The following SGCZ variants were observed in gnomAD, a reference collection of about 807,000 sequenced individuals.
SGCZ encodes the protein sarcoglycan zeta, also known as zeta-sarcoglycan.
A neutral mutation model predicts 41.3 loss-of-function variants in SGCZ; 40 were observed. The observed-to-expected ratio is 0.97, with a 90% CI of 0.75 to 1.26. The LOEUF (loss-of-function observed/expected upper bound fraction) is 1.26, where lower values mean the gene tolerates loss of function less well. Ranked by LOEUF, SGCZ falls within the 50% of genes most tolerant of loss-of-function variation. The pLI, the probability that SGCZ is intolerant of heterozygous loss-of-function variation, is 0.00. For synonymous variants in SGCZ, 206 were observed against 137.5 expected (o/e 1.50, Z -3.49); for missense variants, 552 against 369.8 (o/e 1.49, Z -4.04).
chr8:14,153,884 A>G (rs1310844228), intron 5 of SGCZ, among the ~76,000 whole-genome samples: 1 of 150,716 alleles, frequency 6.6e-6, no homozygotes, highest in Non-Finnish European at 1.5e-5. Flanking sequence ...AAGAGACACC[A>G]GGTCGGTCAG....
At position 14,793,442 on chromosome 8, in the gene SGCZ, C is replaced by T. The variant is rs569933187; in HGVS notation, c.40-238516G>A. Among the ~76,000 whole-genome samples the T allele has an allele frequency of 3.3e-5, 5 of 152,122 alleles. No individual in the cohort carries two copies. The East Asian group carries it at 9.7e-4, about 29-fold the overall frequency. ...TTTCAGAAAAACGCAAAAGCTATGG[C>T]AAATAAACAATAAAAAATTATCCAG... On this transcript the variant is annotated intron_variant, in intron 1 of 7. Coordinates refer to ENST00000382080, the MANE Select transcript of SGCZ (RefSeq NM_139167.4).
chr8:14,914,186 A>G (rs1212568302), intron 1 of SGCZ, among the ~76,000 whole-genome samples: 2 of 151,816 alleles, frequency 1.3e-5, no homozygotes, highest in East Asian at 1.9e-4. Flanking sequence ...TATATAAAAT[A>G]TAGTTATACA....
Position 14,801,281 on chromosome 8 carries a change from A to C in SGCZ, c.40-246355T>G, listed in dbSNP as rs182395560. On this transcript the variant is annotated intron_variant, in intron 1 of 7. Coordinates refer to ENST00000382080, the MANE Select transcript of SGCZ (RefSeq NM_139167.4). The stretch of plus-strand genomic sequence containing the variant: ...TCATTACATCAGCAAATATATGCAT[A>C]TGCTACTGGCATTTCATTGATATTT... Among the ~76,000 whole-genome samples, 237 of 152,326 alleles carry C rather than the reference A, an allele frequency of 1.6e-3. 1 individual carries two copies. Among genetic ancestry groups the C allele is most frequent in the Non-Finnish European group, 1.3e-4 (9 of 68,028 alleles).
chr8:14,847,126 A>AAGGAAGAAGAAG, intron 1 of SGCZ, among the ~76,000 whole-genome samples: 1 of 126,448 alleles, frequency 7.9e-6, no homozygotes, highest in East Asian at 2.5e-4. Context: ...GAAGAAGAAG[A>AAGGAAGAAGAAG]AAGAAGAAGA....
intron 1 of SGCZ, among the ~76,000 whole-genome samples, chr8:15,183,554 G>C (rs1208045614): frequency 6.6e-6 from 1 of 152,154 alleles, no homozygotes; most frequent in Non-Finnish European, 1.5e-5. Flanking sequence ...ATCATTTTGT[G>C]TGTTACTGAT....
At chr8:14,998,822 A>T (rs1180457312) in intron 1 of SGCZ, among the ~76,000 whole-genome samples, 1 of 152,226 alleles carries the variant, frequency 6.6e-6, no homozygotes, top group Non-Finnish European at 1.5e-5. Context: ...ATTCTTGAAA[A>T]GTACGCCAAA....
intron 4 of SGCZ, among the ~76,000 whole-genome samples, chr8:14,221,545 A>G (rs1232557874): frequency 6.6e-6 from 1 of 152,240 alleles, no homozygotes; most frequent in African/African-American, 2.4e-5. Flanking sequence ...CAGTTTCGAC[A>G]TAACAGGCAT....
intron 3 of SGCZ, among the ~76,000 whole-genome samples, chr8:14,298,501 T>C (rs947950243): frequency 2.6e-5 from 4 of 151,990 alleles, no homozygotes; most frequent in Non-Finnish European, 4.4e-5. Context: ...CTATAAAATA[T>C]ACCATCAGTA....
intron 4 of SGCZ, among the ~76,000 whole-genome samples, chr8:14,208,065 A>T (rs1805676287): frequency 6.6e-6 from 1 of 152,160 alleles, no homozygotes; most frequent in Non-Finnish European, 1.5e-5. Flanking sequence ...ATCAACTTTC[A>T]TTTACTACAA....
At chr8:14,136,456 G>C (rs562662595) in intron 5 of SGCZ, among the ~76,000 whole-genome samples, 2 of 152,058 alleles carry the variant, frequency 1.3e-5, no homozygotes, top group Non-Finnish European at 2.9e-5. Context: ...CTAATACTGC[G>C]CTTTTCCAAT....
intron 1 of SGCZ, among the ~76,000 whole-genome samples, chr8:15,143,432 G>C (rs958753658): frequency 1.3e-5 from 2 of 152,174 alleles, no homozygotes; most frequent in African/African-American, 4.8e-5. Flanking sequence ...GAAAAAAAAT[G>C]AAATGTATTT....
chr8:14,962,092 TAAAA>T (rs1800984163), intron 1 of SGCZ, among the ~76,000 whole-genome samples: 1 of 152,110 alleles, frequency 6.6e-6, no homozygotes, highest in Admixed American at 6.6e-5. Flanking sequence ...AGGAAGGGGA[TAAAA>T]AGGAAAGAAG....
chr8:14,537,795 A>T (rs1294084356), intron 2 of SGCZ, among the ~76,000 whole-genome samples: 2 of 151,952 alleles, frequency 1.3e-5, no homozygotes, highest in African/African-American at 4.8e-5. Context: ...TGTGAACGCT[A>T]AAGAGCTGTT....
chr8:14,945,462 G>C (rs1800411496), intron 1 of SGCZ, among the ~76,000 whole-genome samples: 1 of 152,076 alleles, frequency 6.6e-6, no homozygotes, highest in Non-Finnish European at 1.5e-5. Flanking sequence ...CTATCATGAA[G>C]AGTTGGTCAA....
At position 14,093,571 on chromosome 8, in the gene SGCZ, A is replaced by G. The variant is rs189864111; in HGVS notation, c.745-2934T>C. 6.2e-4 allele frequency among the ~76,000 whole-genome samples: 94 copies of G among 152,202 alleles called. 1 individual carries two copies. The highest frequency in any genetic ancestry group is 2.1e-3 in the African/African-American group (89 of 41,550). On this transcript the variant is annotated intron_variant, in intron 7 of 7. Transcript: ENST00000382080. ...CTCAAACCGAAATACTTTTCTCCAG[A>G]GATTTAATGAGTGGGGGGAGATATT...
intron 7 of SGCZ, among the ~76,000 whole-genome samples, 195 bp downstream of exon 7, chr8:14,102,181 G>C (rs565576196): frequency 6.7e-4 from 101 of 150,276 alleles, no homozygotes; most frequent in African/African-American, 2.4e-3. Flanking sequence ...CTCGTGATCT[G>C]CCTGCCTTGG....
At chr8:14,545,710 A>G (rs113888457) in intron 2 of SGCZ, among the ~76,000 whole-genome samples, 2,648 of 152,262 alleles carry the variant, frequency 0.017, 72 homozygotes, top group African/African-American at 0.06. Flanking sequence ...AAAGGGCACT[A>G]AACTAAAGTT....
At chr8:14,181,122 A>G (rs931329681) in intron 4 of SGCZ, among the ~76,000 whole-genome samples, 5 of 152,170 alleles carry the variant, frequency 3.3e-5, no homozygotes, top group Non-Finnish European at 5.9e-5. Context: ...TCTCCCTAAT[A>G]GGGCCAACGG....
intron 1 of SGCZ, among the ~76,000 whole-genome samples, chr8:15,087,963 G>A: frequency 6.7e-6 from 1 of 149,910 alleles, no homozygotes. Context: ...CTATTTTTTA[G>A]TAACCACCAT....
Sources: allele counts gnomAD v4.1 joint callset (sites outside exome capture counted in the v4.1 genomes callset), GRCh38; gene constraint gnomAD v4.1.1; transcripts MANE v1.5; gene names NCBI Gene and HGNC (gene_info 2026-07-23, HGNC 2026-07-21).